SPTBN1: variants seen among roughly 807,000 people sequenced by gnomAD.
The protein encoded by SPTBN1 is spectrin beta chain, non-erythrocytic 1.
SPTBN1 carries 32 observed loss-of-function variants against 266.4 expected under a neutral mutation model. The observed-to-expected ratio is 0.12, with a 90% CI of 0.09 to 0.16. The LOEUF (loss-of-function observed/expected upper bound fraction) is 0.16, where lower values mean the gene tolerates loss of function less well. Among genes scored for constraint, SPTBN1 ranks in the 10% least tolerant of loss-of-function variants. The probability of loss-of-function intolerance (pLI) is 1.00; values close to 1 mark genes in which losing one functional copy is unlikely to be tolerated. For synonymous variants in SPTBN1, 1,336 were observed against 1,162.2 expected, an observed-to-expected ratio of 1.15 and a Z score of -3.04; for missense variants, 2,296 against 3,067.1, an observed-to-expected ratio of 0.75 and a Z score of 5.94.
chr2:54,508,810 T>A (rs1048057661), intron 1 of SPTBN1, among the ~76,000 whole-genome samples: 1 of 152,226 alleles, frequency 6.6e-6, no homozygotes, highest in African/African-American at 2.4e-5. Context: ...TGAAGCCTTT[T>A]GATGGCCTTT....
intron 1 of SPTBN1, among the ~76,000 whole-genome samples, chr2:54,500,607 G>A (rs945291197): frequency 2.0e-5 from 3 of 152,098 alleles, no homozygotes; most frequent in African/African-American, 4.8e-5. Flanking sequence ...GTGCAGTGGC[G>A]CAATCATGGC....
chr2:54,525,076 GCA>G (rs1413968670), intron 1 of SPTBN1, among the ~76,000 whole-genome samples: 1 of 152,168 alleles, frequency 6.6e-6, no homozygotes. Context: ...ATCTGGTCCA[GCA>G]CAGAGTACGT....
chr2:54,525,480 C>T (rs1274646361), intron 1 of SPTBN1, among the ~76,000 whole-genome samples: 2 of 152,114 alleles, frequency 1.3e-5, no homozygotes, highest in Admixed American at 6.5e-5. Context: ...GTGATCCGCC[C>T]GCCTCAGCCT....
At chr2:54,534,606 T>G (rs964105078) in intron 2 of SPTBN1, among the ~76,000 whole-genome samples, 6 of 152,212 alleles carry the variant, frequency 3.9e-5, no homozygotes, top group Non-Finnish European at 7.3e-5. Context: ...TGCTTTACTT[T>G]TTTAGGTGTA....
chr2:54,617,356 T>C (rs1677674553), intron 5 of SPTBN1, among the ~76,000 whole-genome samples: 1 of 152,238 alleles, frequency 6.6e-6, no homozygotes, highest in African/African-American at 2.4e-5. Flanking sequence ...GTTTTAAATC[T>C]ACGACACAGT....
intron 2 of SPTBN1, among the ~76,000 whole-genome samples, chr2:54,570,747 A>G (rs1674006198): frequency 6.6e-6 from 1 of 152,164 alleles, no homozygotes; most frequent in Non-Finnish European, 1.5e-5. Flanking sequence ...TGACCTTAAC[A>G]TTTTGAATTA....
chr2:54,633,294 T>C (rs1267440974), intron 17 of SPTBN1, among the ~76,000 whole-genome samples: 1 of 152,248 alleles, frequency 6.6e-6, no homozygotes, highest in African/African-American at 2.4e-5. Context: ...TAATAGGATC[T>C]TTTTCATGAT....
chr2:54,562,355 G>A (rs562816048), intron 2 of SPTBN1, among the ~76,000 whole-genome samples: 3 of 152,074 alleles, frequency 2.0e-5, no homozygotes, highest in South Asian at 2.1e-4. Context: ...AAGATTCTCC[G>A]TAAAATGGCC....
chr2:54,504,069 A>C (rs1255149615), intron 1 of SPTBN1, among the ~76,000 whole-genome samples: 1 of 152,160 alleles, frequency 6.6e-6, no homozygotes, highest in Non-Finnish European at 1.5e-5. Flanking sequence ...ATTGATTTTT[A>C]AGTGCACTGG....
chr2:54,483,440 T>TG (rs1369056896), intron 1 of SPTBN1, among the ~76,000 whole-genome samples: 1 of 152,200 alleles, frequency 6.6e-6, no homozygotes, highest in African/African-American at 2.4e-5. Context: ...TTCTACCCGT[T>TG]GCTTCCCTCA....
chr2:54,601,784 C>G (rs772728685), intron 3 of SPTBN1, among the ~76,000 whole-genome samples: 36 of 152,214 alleles, frequency 2.4e-4, no homozygotes, highest in Admixed American at 2.0e-4. Flanking sequence ...CTTAGAGCCA[C>G]TTCCTTTACA....
intron 17 of SPTBN1, among the ~76,000 whole-genome samples, chr2:54,636,428 G>A (rs780218116): frequency 6.6e-6 from 1 of 152,156 alleles, no homozygotes; most frequent in Non-Finnish European, 1.5e-5. Context: ...ACTGGTACCT[G>A]CAGGAGCTAT....
chr2:54,590,896 C>G (rs1675633902), intron 2 of SPTBN1, among the ~76,000 whole-genome samples: 1 of 152,130 alleles, frequency 6.6e-6, no homozygotes, highest in Admixed American at 6.5e-5. Flanking sequence ...AGTGCTGCAA[C>G]TTTGAAAAAC....
chr2:54,649,422 C>T lies in SPTBN1; in HGVS notation c.5203-193C>T. 3.0e-6 allele frequency: 3 copies of T among 1,016,188 alleles called. No homozygotes were observed. Among genetic ancestry groups the T allele is most frequent in the Non-Finnish European group, 4.2e-6 (3 of 715,104 alleles). The allele number at this position is 1,016,188 out of a possible 1,614,324, so 62.9% of individuals were successfully genotyped here. A position where few individuals can be genotyped will look rare whatever the true frequency, so the allele number is the denominator to read the frequency against. On this transcript the variant is annotated intron_variant, in intron 25 of 35. Transcript: ENST00000356805. This position sits in a 1 kb window ranked among gnomAD's most constrained non-coding sequence, Gnocchi z 6.7. ...AAAAGGAGGTGGAGGTAGTGCCTCA[C>T]TCTGCTGCAGTGAGCAAGAAAGGAA...
intron 3 of SPTBN1, among the ~76,000 whole-genome samples, chr2:54,609,534 T>C (rs1379583153): frequency 6.6e-6 from 1 of 152,212 alleles, no homozygotes; most frequent in Non-Finnish European, 1.5e-5. Context: ...ATGTTCTCTC[T>C]GTTGGGGATT....
In SPTBN1 at chr2:54,664,581, G is replaced by A. The variant is rs750496721; in HGVS notation, c.6549G>A (p.Gln2183=). The A allele has an allele frequency of 9.9e-6, 16 of 1,614,102 alleles. No individual in the cohort carries two copies. Among genetic ancestry groups the A allele is most frequent in the Non-Finnish European group, 1.4e-5 (16 of 1,180,018 alleles). The change falls in exon 33 of 36, where the codon CAG becomes CAA. Residue 2183 remains glutamine, a synonymous_variant. Transcript: ENST00000356805. The surrounding 1 kb of genome is among the most constrained non-coding windows in gnomAD (Gnocchi z 5.6). ...AAGCCAAGACTGCCCTCCCAGCCCA[G>A]AGTGCCGCCACCTTACCAGCCAGAA... is the stretch of plus-strand genomic sequence containing the variant. ...DRKAKTALPA[Q]SAATLPARTQ... is the part of the protein sequence containing the mutation.
At chr2:54,647,003 A>T in intron 23 of SPTBN1, 128 bp from the exon 24 acceptor site, 1 of 1,366,472 alleles carries the variant, frequency 7.3e-7, no homozygotes, top group East Asian at 2.3e-5. Context: ...CACTGTCCGT[A>T]CTGCACCTCT....
intron 1 of SPTBN1, among the ~76,000 whole-genome samples, chr2:54,509,787 C>T (rs1669755833): frequency 6.6e-6 from 1 of 152,080 alleles, no homozygotes; most frequent in African/African-American, 2.4e-5. Flanking sequence ...TCTCACTGTT[C>T]TGTAGGGTAG....
chr2:54,574,452 C>T (rs1217226907), intron 2 of SPTBN1, among the ~76,000 whole-genome samples: 1 of 152,218 alleles, frequency 6.6e-6, no homozygotes, highest in East Asian at 1.9e-4. Flanking sequence ...CTACACGTTT[C>T]TTGAGTCTGT....
Sources: gnomAD v4.1 joint callset for allele counts (sites outside exome capture counted in the v4.1 genomes callset) on GRCh38, gnomAD v4.1.1 for gene constraint, Gnocchi (gnomAD v3.1) non-coding constraint, MANE v1.5 for transcripts, NCBI Gene and HGNC (gene_info 2026-07-23, HGNC 2026-07-21) for gene names.